PER1: variants seen among roughly 807,000 people sequenced by gnomAD.
PER1 encodes period circadian protein homolog 1.
In PER1, 87 loss-of-function variants were observed where a neutral mutation model predicts 125.9. The ratio of observed to expected loss-of-function variants is 0.69; its 90% CI spans 0.58 to 0.83. The LOEUF is 0.83. PER1 is among the 40% of genes least tolerant of loss of function. The pLI is 0.00. For missense variants in PER1, 1,775 were observed against 1,722.8 expected, an observed-to-expected ratio of 1.03 and a Z score of -0.54; for synonymous variants, 801 against 714.7, an observed-to-expected ratio of 1.12 and a Z score of -1.93.
chr17:8,145,927 C>T (rs1409308805), intron 17 of PER1, 31 bp downstream of exon 17: 1 of 1,563,688 alleles, frequency 6.4e-7, no homozygotes, highest in Admixed American at 1.8e-5. Flanking sequence ...CGGTGGAGCC[C>T]AAGCACTGCC....
At position 8,150,168 on chromosome 17, in the gene PER1, C is replaced by G. The variant is rs375111993; in HGVS notation, c.375-43G>C. The G allele has an allele frequency of 1.0e-5, 16 of 1,606,644 alleles. No individual in the cohort carries two copies. In the East Asian group the frequency reaches 3.6e-4, roughly 36 times the overall value. The stretch of plus-strand genomic sequence containing the variant: ...AAGAAAGAGATAAAGACATTAGTCC[C>G]AGAGTGTGGCCTGGGCCCCCAGACC... On this transcript the variant is annotated intron_variant, in intron 3 of 22. Transcript: ENST00000317276.
intron 22 of PER1, 148 bp from the exon 23 acceptor site, chr17:8,141,488 G>C (rs1225482123): frequency 2.1e-6 from 2 of 949,918 alleles, no homozygotes; most frequent in Non-Finnish European, 3.1e-6. Context: ...GGTCCAACAA[G>C]GTTGGACAGT....
chr17:8,141,920 C>T lies in PER1; in HGVS notation c.3485G>A (p.Arg1162Gln), dbSNP rs199551108. The change falls in exon 22 of 23, where the codon CGG becomes CAG. Residue 1162 changes from arginine (R) to glutamine (Q), a missense_variant. Transcript: ENST00000317276. ...CTGCTGCTTCTGCATGGCTCGGAGC[C>T]GCTCCCGATCCTGCTTCAGCACAGA... Reference protein sequence around the residue: ...MTSVLKQDRERLRAMQKQQPR... With the variant: ...MTSVLKQDREQLRAMQKQQPR... 20 of 1,614,094 alleles carry T rather than the reference C, an allele frequency of 1.2e-5. No homozygotes were observed. Among genetic ancestry groups the T allele is most frequent in the Middle Eastern group, 3.3e-4 (2 of 6,062 alleles).
In PER1 at chr17:8,149,876, G is replaced by A. The variant is rs768925944; in HGVS notation, c.530C>T (p.Ala177Val). Reference sequence around the variant, plus strand: ...CCACTGCTGGTAGTATTCCTGGTTGGCTGCAGAGTGGAGGCAGTGAGGCAT... The same window carrying A: ...CCACTGCTGGTAGTATTCCTGGTTGACTGCAGAGTGGAGGCAGTGAGGCAT... Reference protein sequence around the residue: ...YALACVKQVQANQEYYQQWSL... With the variant: ...YALACVKQVQVNQEYYQQWSL... The change falls in exon 5 of 23, where the codon GCC (alanine) becomes GTC (valine). Residue 177 changes from alanine (A) to valine (V), a missense_variant and splice_region_variant. Physicochemically the swap from Ala to Val is moderately conservative, Grantham distance 64 (BLOSUM62 0). Coordinates refer to ENST00000317276, the MANE Select transcript of PER1 (RefSeq NM_002616.3). 34 of 1,614,030 alleles carry A rather than the reference G, an allele frequency of 2.1e-5. No individual in the cohort carries two copies. The South Asian group carries it at 3.0e-4, about 14-fold the overall frequency.
chr17:8,148,493 C>G (rs1273495944), intron 8 of PER1, 151 bp downstream of exon 8: 1 of 1,039,232 alleles, frequency 9.6e-7, no homozygotes, highest in Non-Finnish European at 1.4e-6. Flanking sequence ...TCAACTCTAC[C>G]TCTAAGAGGA....
At position 8,149,261 on chromosome 17, in the gene PER1, G is replaced by A. The variant is rs752347481; in HGVS notation, c.903C>T (p.Ile301=). ...FTQEKSVFCR[I]RGGPDRDPGP... The stretch of plus-strand genomic sequence containing the variant: ...CTTCTCCAGTTCCCCTCACCTACCT[G>A]ATACGGCAGAAGACGGACTTCTCCT... The change falls in exon 7 of 23, where the codon ATC becomes ATT. Residue 301 remains isoleucine (I), a splice_region_variant and synonymous_variant. Transcript: ENST00000317276. 6.2e-7 allele frequency: 1 copy of A among 1,612,990 alleles called. No homozygotes were observed.
rs1179035248 is a variant in PER1 at position 8,146,142 on chromosome 17, G to A, written c.2039-5C>T. The A allele has an allele frequency of 1.3e-6, 2 of 1,584,174 alleles. No homozygotes were observed. Among genetic ancestry groups the A allele is most frequent in the African/African-American group, 1.3e-5 (1 of 74,130 alleles). ...ACAGCGCTGCTGACGGCGGATCTGTGCAGAGAGATGGTGCCAGTTACCATC... is the reference window on the plus strand; with the variant it reads ...ACAGCGCTGCTGACGGCGGATCTGTACAGAGAGATGGTGCCAGTTACCATC... On this transcript the variant is annotated splice_region_variant and splice_polypyrimidine_tract_variant and intron_variant, in intron 16 of 22. Coordinates refer to ENST00000317276, the MANE Select transcript of PER1 (RefSeq NM_002616.3).
Position 8,146,452 on chromosome 17 carries a change from G to A in PER1, c.1958C>T (p.Ser653Phe). The change falls in exon 16 of 23, where the codon TCC (serine) becomes TTC (phenylalanine). Residue 653 changes from serine to phenylalanine, a missense_variant. Ser to Phe is a radical substitution (Grantham distance 155, BLOSUM62 -2). Coordinates refer to ENST00000317276, the MANE Select transcript of PER1 (RefSeq NM_002616.3). ...LPSTTKRKCA[S>F]SSSYTTSSAS... is the part of the protein sequence containing the mutation. ...TGAGGAGGTGGTATAGGAGGAGGAGGAGGCACATTTACGCTTAGTGGTGCT... is the reference window on the plus strand; with the variant it reads ...TGAGGAGGTGGTATAGGAGGAGGAGAAGGCACATTTACGCTTAGTGGTGCT... 1 of 1,613,860 alleles carries A rather than the reference G, an allele frequency of 6.2e-7. No individual in the cohort carries two copies. The highest frequency in any genetic ancestry group is 8.5e-7 in the Non-Finnish European group (1 of 1,179,944).
intron 19 of PER1, 78 bp from the exon 20 acceptor site, chr17:8,142,913 G>GCCTCTCCCCACAACCA: frequency 8.8e-7 from 1 of 1,141,900 alleles, no homozygotes; most frequent in Non-Finnish European, 1.2e-6. Context: ...TACTGGTTGT[G>GCCTCTCCCCACAACCA]GGGAGAGGCA....
chr17:8,148,340 T>TGGAG, intron 8 of PER1, 81 bp from the exon 9 acceptor site: 3 of 1,200,002 alleles, frequency 2.5e-6, no homozygotes, highest in Non-Finnish European at 3.7e-6. Flanking sequence ...GGGCCCAGGC[T>TGGAG]GGCTGATGAT....
In PER1 at chr17:8,147,490, T is replaced by C; in HGVS notation, c.1477A>G (p.Ile493Val). 2 of 1,613,826 alleles carry C rather than the reference T, an allele frequency of 1.2e-6. No individual in the cohort carries two copies. Among genetic ancestry groups the C allele is most frequent in the South Asian group, 2.2e-5 (2 of 91,072 alleles). Reference sequence around the variant, plus strand: ...CTCACCTGCAGCAGCAGCCGGTGGATCTGCTCTGACAGCTCCTGGATATCA... The same window carrying C: ...CTCACCTGCAGCAGCAGCCGGTGGACCTGCTCTGACAGCTCCTGGATATCA... ...DTDIQELSEQ[I>V]HRLLLQPVHS... Residue 493 changes from isoleucine to valine, a missense_variant, in exon 12 of 23, where the codon ATC (isoleucine) becomes GTC (valine). By Grantham distance (29) the Ile-to-Val change is conservative. Coordinates refer to ENST00000317276, the MANE Select transcript of PER1 (RefSeq NM_002616.3).
At chr17:8,144,649 C>T in intron 18 of PER1, 102 bp downstream of exon 18, 1 of 1,465,422 alleles carries the variant, frequency 6.8e-7, no homozygotes, top group Non-Finnish European at 9.2e-7. Flanking sequence ...GCAACACCAG[C>T]CTGGGTCCCT....
At chr17:8,151,379 C>A (rs376688981) in intron 1 of PER1, among the ~76,000 whole-genome samples, 3 of 152,118 alleles carry the variant, frequency 2.0e-5, no homozygotes, top group Non-Finnish European at 2.9e-5. Context: ...GCGGGAGGAG[C>A]GACCCCTCCC....
chr17:8,142,473 G>A lies in PER1; in HGVS notation c.3260-15C>T, dbSNP rs780669269. The A allele has an allele frequency of 1.0e-5, 16 of 1,565,620 alleles. No homozygotes were observed. The highest frequency in any genetic ancestry group is 1.4e-5 in the African/African-American group (1 of 73,920). ...CTGGCTGCTGCCTGTGAAGTGGGGG[G>A]CAGACCAATGGGAGTCAGGCCGGCT... On this transcript the variant is annotated splice_polypyrimidine_tract_variant and intron_variant, in intron 20 of 22. Coordinates refer to ENST00000317276, the MANE Select transcript of PER1 (RefSeq NM_002616.3).
Position 8,143,583 on chromosome 17 carries a change from C to T in PER1, c.2755G>A (p.Val919Met). 1 of 1,465,558 alleles carries T rather than the reference C, an allele frequency of 6.8e-7. No homozygotes were observed. Among genetic ancestry groups the T allele is most frequent in the Non-Finnish European group, 9.1e-7 (1 of 1,103,630 alleles). The allele number at this position is 1,465,558 out of a possible 1,614,324, so 90.8% of individuals were successfully genotyped here. The stretch of plus-strand genomic sequence containing the variant: ...AGATAGTTAGGGAGCACCAAGGCCA[C>T]CATTGGGGTCACCAAAGGGGCGGGG... ...AFPAPLVTPM[V>M]ALVLPNYLFP... is the part of the protein sequence containing the mutation. Residue 919 changes from valine to methionine, a missense_variant, in exon 19 of 23, where the codon GTG becomes ATG. Coordinates refer to ENST00000317276, the MANE Select transcript of PER1 (RefSeq NM_002616.3).
Position 8,149,659 on chromosome 17 carries a change from G to A in PER1, c.656C>T (p.Thr219Ile), listed in dbSNP as rs768509173. 3 of 1,609,710 alleles carry A rather than the reference G, an allele frequency of 1.9e-6. No individual in the cohort carries two copies. In the Admixed American group the frequency reaches 5.0e-5, roughly 27 times the overall value. Residue 219 changes from threonine to isoleucine, a missense_variant, in exon 6 of 23, where the codon ACC (threonine) becomes ATC (isoleucine). Coordinates refer to ENST00000317276, the MANE Select transcript of PER1 (RefSeq NM_002616.3). Reference sequence around the variant, plus strand: ...CAGGAAGGAGACAGCCACTGAGAAGGTATCCTGGCAGGAGGGGGAGAGCAA... The same window carrying A: ...CAGGAAGGAGACAGCCACTGAGAAGATATCCTGGCAGGAGGGGGAGAGCAA... ...TSEYTLQNQDTFSVAVSFLTG... is the reference protein window; with the variant it reads ...TSEYTLQNQDIFSVAVSFLTG...
At chr17:8,144,015 G>A in intron 18 of PER1, 139 bp from the exon 19 acceptor site, 4 of 1,329,574 alleles carry the variant, frequency 3.0e-6, no homozygotes, top group East Asian at 5.5e-5. Flanking sequence ...CAGAACGGGG[G>A]ACTCAGGAGG....
chr17:8,143,447 C>A lies in PER1; in HGVS notation c.2891G>T (p.Ser964Ile), dbSNP rs770675504. 4 of 1,607,770 alleles carry A rather than the reference C, an allele frequency of 2.5e-6. No homozygotes were observed. The highest frequency in any genetic ancestry group is 2.2e-5 in the East Asian group (1 of 44,610). ...TGGAGAGTCCGGGCGGTGAGGAGGA[C>A]TCGGGGCGAGGGCGGGCAAGGATGG... ...PSPSLPALAPSPPHRPDSPLF... is the reference protein window; with the variant it reads ...PSPSLPALAPIPPHRPDSPLF... The change falls in exon 19 of 23, where the codon AGT (serine) becomes ATT (isoleucine). Residue 964 changes from serine (S) to isoleucine (I), a missense_variant. Coordinates refer to ENST00000317276, the MANE Select transcript of PER1 (RefSeq NM_002616.3).
At chr17:8,147,051 G>A in intron 13 of PER1, 49 bp from the exon 14 acceptor site, 1 of 1,520,994 alleles carries the variant, frequency 6.6e-7, no homozygotes, top group Non-Finnish European at 9.1e-7. Context: ...TGTCGCCAGT[G>A]TCAGGGGCCA....
Sources: allele counts gnomAD v4.1 joint callset (sites outside exome capture counted in the v4.1 genomes callset), GRCh38; gene constraint gnomAD v4.1.1; transcripts MANE v1.5; gene names NCBI Gene and HGNC (gene_info 2026-07-23, HGNC 2026-07-21).